Variants in GSK3B observed in about 807,000 individuals in gnomAD.
GSK3B encodes glycogen synthase kinase 3 beta.
A neutral mutation model predicts 56.4 loss-of-function variants in GSK3B; 15 were observed. The ratio of observed to expected loss-of-function variants is 0.27; its 90% CI spans 0.18 to 0.41. The LOEUF is 0.41. Ranked by LOEUF, GSK3B falls within the 10% of genes least tolerant of loss-of-function variation. The probability of loss-of-function intolerance (pLI) is 1.00; values close to 1 mark genes in which losing one functional copy is unlikely to be tolerated. For synonymous variants in GSK3B, 181 were observed against 188.9 expected (o/e 0.96, Z 0.34); for missense variants, 300 against 513.4 (o/e 0.58, Z 4.02).
rs1251009741 is a variant in GSK3B, at chr3:119,888,824, T to TA, written c.814-12317dup. Among the ~76,000 whole-genome samples the TA allele has an allele frequency of 2.6e-5, 4 of 152,080 alleles. No homozygotes were observed. In the East Asian group the frequency reaches 5.8e-4, roughly 22 times the overall value. ...AAATGCATTCCTTGGGGGAGGTCTATAAACGGCTGCTCTGGGAGTGTCTGT... is the reference window on the plus strand; with the variant it reads ...AAATGCATTCCTTGGGGGAGGTCTATAAAACGGCTGCTCTGGGAGTGTCTGT... On this transcript the variant is annotated intron_variant, in intron 7 of 10. Coordinates refer to ENST00000264235, the MANE Select transcript of GSK3B (RefSeq NM_001146156.2).
chr3:119,893,297 C>A (rs74905112), intron 7 of GSK3B, among the ~76,000 whole-genome samples: 2 of 152,224 alleles, frequency 1.3e-5, no homozygotes, highest in African/African-American at 4.8e-5. Flanking sequence ...CCGCACCCAG[C>A]AGGTTTTACT....
At position 120,006,079 on chromosome 3, in the gene GSK3B, A is replaced by C. The variant is rs185351241; in HGVS notation, c.89-3840T>G. On this transcript the variant is annotated intron_variant, in intron 1 of 10. Coordinates refer to ENST00000264235, the MANE Select transcript of GSK3B (RefSeq NM_001146156.2). ...TAGGCTCAAAATAAAGGGATGGAGA[A>C]AGATCTACCAAGCAAATGGAAAGCA... 8.7e-4 allele frequency among the ~76,000 whole-genome samples: 133 copies of C among 152,316 alleles called. 1 individual carries two copies. In the Middle Eastern group the frequency reaches 0.01, roughly 12 times the overall value.
intron 7 of GSK3B, among the ~76,000 whole-genome samples, chr3:119,904,625 G>A (rs1272585901): frequency 6.6e-6 from 1 of 152,136 alleles, no homozygotes; most frequent in Non-Finnish European, 1.5e-5. Context: ...ACAGTCCTAT[G>A]TTCAACTGGT....
intron 1 of GSK3B, among the ~76,000 whole-genome samples, chr3:120,088,190 C>T (rs1321932253): frequency 3.3e-5 from 5 of 152,040 alleles, no homozygotes; most frequent in Admixed American, 6.5e-5. Context: ...CCGTGCCAGC[C>T]GAACTAAATT....
intron 1 of GSK3B, among the ~76,000 whole-genome samples, chr3:120,024,926 C>T (rs143266511): frequency 6.6e-6 from 1 of 152,260 alleles, no homozygotes; most frequent in South Asian, 2.1e-4. Flanking sequence ...CAGAAGACTG[C>T]ACATTGTATG....
At chr3:119,993,042 A>G (rs970797488) in intron 2 of GSK3B, among the ~76,000 whole-genome samples, 2 of 152,064 alleles carry the variant, frequency 1.3e-5, no homozygotes, top group African/African-American at 4.8e-5. Flanking sequence ...TGAAAAAAAA[A>G]AAAATCTCTG....
intron 1 of GSK3B, among the ~76,000 whole-genome samples, chr3:120,089,694 A>G (rs1270796008): frequency 6.6e-6 from 1 of 152,198 alleles, no homozygotes; most frequent in Non-Finnish European, 1.5e-5. Context: ...ACAACTAGCT[A>G]AATTTTCTCC....
At position 120,078,914 on chromosome 3, in the gene GSK3B, T is replaced by TACACACACACAC. The variant is rs57127586; in HGVS notation, c.88+14421_88+14432dup. Among the ~76,000 whole-genome samples, 189 of 138,316 alleles carry TACACACACACAC rather than the reference T, an allele frequency of 1.4e-3. 1 individual carries two copies. The highest frequency in any genetic ancestry group is 6.7e-3 in the South Asian group (28 of 4,154). The allele number at this position is 138,316 out of a possible 152,430, so 90.7% of individuals were successfully genotyped here. A position where few individuals can be genotyped will look rare whatever the true frequency, so the allele number is the denominator to read the frequency against. On this transcript the variant is annotated intron_variant, in intron 1 of 10. Transcript: ENST00000264235. ...AATTTTCTACAATTTGACAGGAAAT[T>TACACACACACAC]ACACACACACACACACACACACACA...
intron 3 of GSK3B, among the ~76,000 whole-genome samples, chr3:119,936,286 T>TTA (rs2107479864): frequency 6.7e-6 from 1 of 148,368 alleles, no homozygotes; most frequent in Non-Finnish European, 1.5e-5. Flanking sequence ...AGGCTTCAGG[T>TTA]TATATATATA....
At chr3:119,887,524 G>A (rs79552393) in intron 7 of GSK3B, among the ~76,000 whole-genome samples, 3,938 of 152,058 alleles carry the variant, frequency 0.026, 175 homozygotes, top group African/African-American at 0.089. Context: ...CACAGGAGAG[G>A]ATTAACAGGT....
Position 119,953,751 on chromosome 3 carries a change from T to C in GSK3B, c.283-6400A>G, listed in dbSNP as rs2057182322. 2.0e-5 allele frequency among the ~76,000 whole-genome samples: 3 copies of C among 152,162 alleles called. No individual in the cohort carries two copies. In the South Asian group the frequency reaches 6.2e-4, roughly 32 times the overall value. ...CAATTCTATTACATTTACCATCACA[T>C]TACCATCAGTGGAATGTGCTGACTC... On this transcript the variant is annotated intron_variant, in intron 2 of 10. Transcript: ENST00000264235.
intron 7 of GSK3B, among the ~76,000 whole-genome samples, chr3:119,877,990 G>T (rs2056333077): frequency 6.6e-6 from 1 of 152,134 alleles, no homozygotes; most frequent in Non-Finnish European, 1.5e-5. Context: ...GTAGAAGAAT[G>T]TAATGGTAAG....
At chr3:119,871,485 T>TA (rs2056249563) in intron 8 of GSK3B, among the ~76,000 whole-genome samples, 1 of 152,168 alleles carries the variant, frequency 6.6e-6, no homozygotes, top group South Asian at 2.1e-4. Flanking sequence ...ACTATTATTA[T>TA]AAAAAAGCAA....
intron 10 of GSK3B, among the ~76,000 whole-genome samples, chr3:119,832,038 C>T (rs1028341929): frequency 6.6e-6 from 1 of 152,220 alleles, no homozygotes; most frequent in Non-Finnish European, 1.5e-5. Context: ...CATTCCCACA[C>T]TGAATAGGAC....
In GSK3B at chr3:120,026,554, A is replaced by ACACACACAAAC. The variant is rs1559881737; in HGVS notation, c.89-24316_89-24315insGTTTGTGTGTG. Among the ~76,000 whole-genome samples the ACACACACAAAC allele has an allele frequency of 3.6e-3, 234 of 64,372 alleles. 4 individuals carry two copies. The East Asian group carries it at 0.078, about 22-fold the overall frequency. The allele number at this position is 64,372 out of a possible 152,430, so 42.2% of individuals were successfully genotyped here. ...ACACACACACACACACACACACACA[A>ACACACACAAAC]ACACACACACACTCTTTTTTTTTTT... is the stretch of plus-strand genomic sequence containing the variant. On this transcript the variant is annotated intron_variant, in intron 1 of 10. Coordinates refer to ENST00000264235, the MANE Select transcript of GSK3B (RefSeq NM_001146156.2).
chr3:119,838,159 C>T (rs953795011), intron 10 of GSK3B, among the ~76,000 whole-genome samples: 19 of 151,638 alleles, frequency 1.3e-4, no homozygotes, highest in African/African-American at 4.4e-4. Context: ...TATGGTAGTG[C>T]GCGCCTGTAA....
chr3:120,083,145 T>C (rs1305627183), intron 1 of GSK3B, among the ~76,000 whole-genome samples: 1 of 152,046 alleles, frequency 6.6e-6, no homozygotes, highest in African/African-American at 2.4e-5. Flanking sequence ...TTGGAACAAA[T>C]ATGGAAAAAA....
At chr3:120,060,021 G>C (rs1196319118) in intron 1 of GSK3B, among the ~76,000 whole-genome samples, 1 of 152,042 alleles carries the variant, frequency 6.6e-6, no homozygotes, top group Non-Finnish European at 1.5e-5. Context: ...GCATTACCCT[G>C]AACTCTGGGA....
rs1013385742 is a variant in GSK3B at position 119,872,136 on chromosome 3, C to G, written c.909+4277G>C. 2.0e-5 allele frequency among the ~76,000 whole-genome samples: 3 copies of G among 152,148 alleles called. No individual in the cohort carries two copies. The South Asian group carries it at 6.2e-4, about 32-fold the overall frequency. ...ACCTTATTAAAAATCCCTAATCAAC[C>G]CTAACTAGACACTAAACTTTCAAAT... On this transcript the variant is annotated intron_variant, in intron 8 of 10. Coordinates refer to ENST00000264235, the MANE Select transcript of GSK3B (RefSeq NM_001146156.2).
Sources: gnomAD v4.1 joint callset for allele counts (sites outside exome capture counted in the v4.1 genomes callset) on GRCh38, gnomAD v4.1.1 for gene constraint, MANE v1.5 for transcripts, NCBI Gene and HGNC (gene_info 2026-07-23, HGNC 2026-07-21) for gene names.